SLC39A14: variants seen among roughly 807,000 people sequenced by gnomAD.
SLC39A14 encodes the protein solute carrier family 39 member 14.
In SLC39A14, 19 loss-of-function variants were observed where a neutral mutation model predicts 45.5. The observed-to-expected ratio is 0.42, with a 90% CI of 0.29 to 0.61. SLC39A14 has a LOEUF of 0.61. Among genes scored for constraint, SLC39A14 ranks in the 20% least tolerant of loss-of-function variants. The pLI, the probability that SLC39A14 is intolerant of heterozygous loss-of-function variation, is 0.22. For synonymous variants in SLC39A14, 264 were observed against 251.3 expected, an observed-to-expected ratio of 1.05 and a Z score of -0.48; for missense variants, 447 against 616.5, an observed-to-expected ratio of 0.73 and a Z score of 2.91.
intron 1 of SLC39A14, among the ~76,000 whole-genome samples, chr8:22,399,307 C>A (rs975049112): frequency 6.6e-6 from 1 of 152,220 alleles, no homozygotes; most frequent in Non-Finnish European, 1.5e-5. Flanking sequence ...CTCTCTAATA[C>A]CTTTTACAAA....
At position 22,372,744 on chromosome 8, in the gene SLC39A14, C is replaced by T. The variant is rs568369848; in HGVS notation, c.-16+5336C>T. Among the ~76,000 whole-genome samples, 8 of 152,202 alleles carry T rather than the reference C, an allele frequency of 5.3e-5. No homozygotes were observed. In the East Asian group the frequency reaches 1.5e-3, roughly 29 times the overall value. On this transcript the variant is annotated intron_variant, in intron 1 of 8. Coordinates refer to ENST00000381237, the MANE Select transcript of SLC39A14 (RefSeq NM_001128431.4). ...AACTTTTTGATGCTAGGACCCCTTACATTGTCTTTTGTATATGTGGCTATC... is the reference window on the plus strand; with the variant it reads ...AACTTTTTGATGCTAGGACCCCTTATATTGTCTTTTGTATATGTGGCTATC...
chr8:22,427,000 T>G (rs1042452419), downstream of SLC39A14, among the ~76,000 whole-genome samples: 1 of 151,338 alleles, frequency 6.6e-6, no homozygotes, highest in African/African-American at 2.4e-5. Flanking sequence ...TCTTAAAATA[T>G]GGTTTGTTGG....
In SLC39A14 at chr8:22,417,641, G is replaced by A. The variant is rs200160473; in HGVS notation, c.1148-10G>A. On this transcript the variant is annotated splice_polypyrimidine_tract_variant and intron_variant, in intron 7 of 8. Coordinates refer to ENST00000381237, the MANE Select transcript of SLC39A14 (RefSeq NM_001128431.4). ...CCTCGTCCCTCCCCTTTTCATTCTCGCTGCTGTAGGAGACTTTGTCATCCT... is the reference window on the plus strand; with the variant it reads ...CCTCGTCCCTCCCCTTTTCATTCTCACTGCTGTAGGAGACTTTGTCATCCT... The A allele has an allele frequency of 4.3e-4, 687 of 1,607,464 alleles. 1 individual carries two copies. The highest frequency in any genetic ancestry group is 5.6e-4 in the Non-Finnish European group (661 of 1,176,538).
Position 22,421,378 on chromosome 8 carries a change from CTTTTT to C in SLC39A14, c.*1683_*1687del. ...TGAGCAGGAAAAACTGCTGGTGATA[CTTTTT>C]TTAAGTTTTGTTTTTATCTTGCCTG... On this transcript the variant is annotated 3_prime_UTR_variant, in exon 9 of 9. Transcript: ENST00000381237. 1.0e-6 allele frequency: 1 copy of C among 985,784 alleles called. No homozygotes were observed. The highest frequency in any genetic ancestry group is 1.2e-6 in the Non-Finnish European group (1 of 829,914). The allele number at this position is 985,784 out of a possible 1,614,324, so 61.1% of individuals were successfully genotyped here. A position where few individuals can be genotyped will look rare whatever the true frequency, so the allele number is the denominator to read the frequency against.
intron 1 of SLC39A14, among the ~76,000 whole-genome samples, chr8:22,396,764 G>C (rs1027510863): frequency 6.6e-6 from 1 of 151,660 alleles, no homozygotes; most frequent in Non-Finnish European, 1.5e-5. Context: ...AACTGAAGAG[G>C]AAAAAGACTT....
chr8:22,416,123 C>T lies in SLC39A14; in HGVS notation c.990C>T (p.Tyr330=), dbSNP rs373357005. Reference sequence around the variant, plus strand: ...GCTACTGGCTGAAAGGTGTCCGCTACTCTGATATCGGCACTCTGGCCTGGA... The same window carrying T: ...GCTACTGGCTGAAAGGTGTCCGCTATTCTGATATCGGCACTCTGGCCTGGA... The part of the protein sequence containing the change: ...SACYWLKGVR[Y]SDIGTLAWMI... Residue 330 remains tyrosine (Y), a synonymous_variant, in exon 7 of 9, where the codon TAC becomes TAT. Coordinates refer to ENST00000381237, the MANE Select transcript of SLC39A14 (RefSeq NM_001128431.4). 1.9e-6 allele frequency: 3 copies of T among 1,614,052 alleles called. No homozygotes were observed. The highest frequency in any genetic ancestry group is 1.1e-5 in the South Asian group (1 of 91,080).
intron 1 of SLC39A14, among the ~76,000 whole-genome samples, chr8:22,370,288 C>G (rs1251980656): frequency 6.6e-6 from 1 of 152,152 alleles, no homozygotes; most frequent in Non-Finnish European, 1.5e-5. Flanking sequence ...TGCACTATTC[C>G]AAGAGGAAAC....
At chr8:22,380,905 G>A (rs1464163608) in intron 1 of SLC39A14, among the ~76,000 whole-genome samples, 1 of 151,714 alleles carries the variant, frequency 6.6e-6, no homozygotes, top group Non-Finnish European at 1.5e-5. Context: ...TCAAACTCCT[G>A]GGCTCACACA....
intron 1 of SLC39A14, among the ~76,000 whole-genome samples, chr8:22,397,750 C>T (rs1016393076): frequency 1.3e-5 from 2 of 152,178 alleles, no homozygotes; most frequent in Admixed American, 6.5e-5. Context: ...AACCTTGAGC[C>T]ATGGTTATCT....
rs1330719848 is a variant in SLC39A14, at chr8:22,421,107, T to G, written c.*1409T>G. ...TATCATATTGATAATGTGAGATTCT[T>G]TAGCCACTTTGGGGAGCCTGTCTCT... is the stretch of plus-strand genomic sequence containing the variant. On this transcript the variant is annotated 3_prime_UTR_variant, in exon 9 of 9. Transcript: ENST00000381237. 2.0e-6 allele frequency: 2 copies of G among 985,732 alleles called. No individual in the cohort carries two copies. The highest frequency in any genetic ancestry group is 2.4e-6 in the Non-Finnish European group (2 of 829,942). 61.1% of individuals were successfully genotyped at this position (985,732 alleles called of 1,614,324 possible). A position where few individuals can be genotyped will look rare whatever the true frequency, so the allele number is the denominator to read the frequency against.
At chr8:22,430,842 G>A (rs1836455098) in intron 8 of SLC39A14, among the ~76,000 whole-genome samples, 1 of 151,654 alleles carries the variant, frequency 6.6e-6, no homozygotes, top group Non-Finnish European at 1.5e-5. Context: ...CCAGCTAATC[G>A]TTGTGTTTTT....
intron 8 of SLC39A14, among the ~76,000 whole-genome samples, chr8:22,429,164 C>T (rs550410302): frequency 1.4e-3 from 207 of 152,126 alleles, no homozygotes; most frequent in African/African-American, 4.7e-3. Context: ...CCCAGCTACT[C>T]GGGAGGCTGA....
Position 22,421,340 on chromosome 8 carries a change from C to G in SLC39A14, c.*1642C>G. On this transcript the variant is annotated 3_prime_UTR_variant, in exon 9 of 9. Coordinates refer to ENST00000381237, the MANE Select transcript of SLC39A14 (RefSeq NM_001128431.4). ...AGACATCTGTCAAACCAGGAATATT[C>G]TTGAAAAGAACGTGAGCAGGAAAAA... The G allele has an allele frequency of 1.0e-6, 1 of 985,836 alleles. No individual in the cohort carries two copies. The highest frequency in any genetic ancestry group is 1.2e-6 in the Non-Finnish European group (1 of 829,930). 61.1% of individuals were successfully genotyped at this position (985,836 alleles called of 1,614,324 possible). A position where few individuals can be genotyped will look rare whatever the true frequency, so the allele number is the denominator to read the frequency against.
chr8:22,429,652 G>T (rs1373282163), intron 8 of SLC39A14, among the ~76,000 whole-genome samples: 1 of 152,204 alleles, frequency 6.6e-6, no homozygotes, highest in Non-Finnish European at 1.5e-5. Context: ...GACGAGAAGG[G>T]AATGATCTCC....
At chr8:22,371,021 C>T (rs184224619) in intron 1 of SLC39A14, among the ~76,000 whole-genome samples, 256 of 152,318 alleles carry the variant, frequency 1.7e-3, no homozygotes, top group African/African-American at 5.9e-3. Context: ...CTTGTTCCCC[C>T]CTCCCCCCAC....
chr8:22,406,122 G>C (rs149529716), intron 2 of SLC39A14, among the ~76,000 whole-genome samples: 4 of 152,306 alleles, frequency 2.6e-5, no homozygotes, highest in Non-Finnish European at 5.9e-5. Context: ...TCCTCCAGCT[G>C]CCCCTTGAAA....
intron 1 of SLC39A14, chr8:22,393,123 C>G (rs1834173118): frequency 1.2e-6 from 1 of 824,388 alleles, no homozygotes; most frequent in Non-Finnish European, 1.5e-6. Context: ...GCTGGCCGCC[C>G]TCCTGCACTG....
chr8:22,395,248 G>A (rs1245195112), intron 1 of SLC39A14, among the ~76,000 whole-genome samples: 1 of 152,130 alleles, frequency 6.6e-6, no homozygotes, highest in Non-Finnish European at 1.5e-5. Context: ...GACCTCAAGT[G>A]AGCCACTGCA....
chr8:22,380,674 GT>G (rs34669235), intron 1 of SLC39A14, among the ~76,000 whole-genome samples: 128 of 147,356 alleles, frequency 8.7e-4, no homozygotes, highest in Non-Finnish European at 9.5e-4. Flanking sequence ...TTCCATTCCT[GT>G]TTTTTTTTTT....
Sources: allele counts gnomAD v4.1 joint callset (sites outside exome capture counted in the v4.1 genomes callset), GRCh38; gene constraint gnomAD v4.1.1; transcripts MANE v1.5; gene names NCBI Gene and HGNC (gene_info 2026-07-23, HGNC 2026-07-21).